The following EIF3D variants were observed in gnomAD, a reference collection of about 807,000 sequenced individuals.
EIF3D encodes the protein eukaryotic translation initiation factor 3 subunit D.
A neutral mutation model predicts 75.4 loss-of-function variants in EIF3D; 10 were observed. The observed-to-expected ratio is 0.13, with a 90% CI of 0.08 to 0.22. EIF3D has a LOEUF of 0.22. Ranked by LOEUF, EIF3D falls within the 10% of genes least tolerant of loss-of-function variation. The pLI, the probability that EIF3D is intolerant of heterozygous loss-of-function variation, is 1.00. For missense variants in EIF3D, 394 were observed against 708.0 expected (o/e 0.56, Z 5.03); for synonymous variants, 246 against 248.3 (o/e 0.99, Z 0.09).
chr22:36,514,533 G>GGAGACGGAGGAAGTCA (rs1234526710), intron 12 of EIF3D, among the ~76,000 whole-genome samples: 1 of 152,166 alleles, frequency 6.6e-6, no homozygotes, highest in Non-Finnish European at 1.5e-5. Context: ...TGTAGAGGTC[G>GGAGACGGAGGAAGTCA]GAGACGGAGG....
chr22:36,528,592 A>G, intron 1 of EIF3D, among the ~76,000 whole-genome samples: 1 of 100,386 alleles, frequency 1.0e-5, no homozygotes, highest in Admixed American at 9.3e-5. Flanking sequence ...CCATCGCTGA[A>G]CAGGGGGTGG....
chr22:36,528,342 A>G (rs1175204075), intron 1 of EIF3D, among the ~76,000 whole-genome samples: 14 of 152,150 alleles, frequency 9.2e-5, no homozygotes, highest in Non-Finnish European at 1.9e-4. Flanking sequence ...CAGAAGCTCA[A>G]GAAGGGAAGA....
At chr22:36,512,046 A>G (rs901063776) in intron 13 of EIF3D, among the ~76,000 whole-genome samples, 1 of 151,884 alleles carries the variant, frequency 6.6e-6, no homozygotes, top group African/African-American at 2.4e-5. Flanking sequence ...GCCCGCCACT[A>G]CGCCCGGCTA....
intron 14 of EIF3D, 76 bp from the exon 15 acceptor site, chr22:36,511,076 G>A: frequency 6.5e-7 from 1 of 1,537,092 alleles, no homozygotes; most frequent in South Asian, 1.2e-5. Context: ...CTGAACCTCT[G>A]CTGGACTGTG....
Position 36,510,905 on chromosome 22 carries a change from C to G in EIF3D, c.*82G>C, listed in dbSNP as rs1180215288. Reference sequence around the variant, plus strand: ...ATTTCATCTGCTAAATGTCAGAGAGCAAGTTAGACACACATTCCACTAAGC... The same window carrying G: ...ATTTCATCTGCTAAATGTCAGAGAGGAAGTTAGACACACATTCCACTAAGC... On this transcript the variant is annotated 3_prime_UTR_variant, in exon 15 of 15. Transcript: ENST00000216190. 2 of 1,462,756 alleles carry G rather than the reference C, an allele frequency of 1.4e-6. No homozygotes were observed. Among genetic ancestry groups the G allele is most frequent in the Non-Finnish European group, 1.8e-6 (2 of 1,088,438 alleles). The allele number at this position is 1,462,756 out of a possible 1,614,324, so 90.6% of individuals were successfully genotyped here.
intron 1 of EIF3D, among the ~76,000 whole-genome samples, chr22:36,527,323 C>T: frequency 6.6e-6 from 1 of 152,320 alleles, no homozygotes; most frequent in South Asian, 2.1e-4. Context: ...GAAGAAATTG[C>T]CCAAAGTTGA....
intron 4 of EIF3D, 82 bp from the exon 5 acceptor site, chr22:36,524,062 G>T: frequency 7.3e-7 from 1 of 1,365,626 alleles, no homozygotes; most frequent in Non-Finnish European, 1.0e-6. Context: ...GGTCTTTGGA[G>T]TAAATTTAGG....
In EIF3D at chr22:36,529,132, T is replaced by A. The variant is rs1161104508; in HGVS notation, c.-67A>T. ...CAGATGGTGCGTGCCGGGGACCGCGTTAGCAGCAGCACTCTTGAGAAACCA... is the reference window on the plus strand; with the variant it reads ...CAGATGGTGCGTGCCGGGGACCGCGATAGCAGCAGCACTCTTGAGAAACCA... On this transcript the variant is annotated 5_prime_UTR_variant, in exon 1 of 15. Transcript: ENST00000216190. 7.6e-6 allele frequency: 3 copies of A among 395,710 alleles called. No homozygotes were observed. The highest frequency in any genetic ancestry group is 1.3e-5 in the Non-Finnish European group (3 of 224,622). The allele number at this position is 395,710 out of a possible 1,614,324, so 24.5% of individuals were successfully genotyped here.
chr22:36,516,179 G>A (rs539975358), intron 12 of EIF3D: 2 of 265,486 alleles, frequency 7.5e-6, no homozygotes, highest in South Asian at 2.0e-4. Context: ...GTCAACAGGA[G>A]GCCACAATGG....
chr22:36,523,108 A>G, intron 6 of EIF3D, 101 bp downstream of exon 6: 1 of 987,266 alleles, frequency 1.0e-6, no homozygotes, highest in Non-Finnish European at 1.6e-6. Flanking sequence ...AAACCACTAA[A>G]TTGTACGGTA....
chr22:36,522,226 T>C (rs1444429126), intron 6 of EIF3D, among the ~76,000 whole-genome samples: 2 of 152,014 alleles, frequency 1.3e-5, no homozygotes, highest in Non-Finnish European at 1.5e-5. Context: ...TGGTGGTGCA[T>C]GCCTATAGTC....
Position 36,512,508 on chromosome 22 carries a change from C to T in EIF3D, c.1301G>A (p.Arg434Gln), listed in dbSNP as rs762976929. 39 of 1,614,100 alleles carry T rather than the reference C, an allele frequency of 2.4e-5. No individual in the cohort carries two copies. The highest frequency in any genetic ancestry group is 3.0e-5 in the Non-Finnish European group (35 of 1,180,046). Residue 434 changes from arginine (R) to glutamine (Q), a missense_variant, in exon 13 of 15, where the codon CGG (arginine) becomes CAG (glutamine). Arg to Gln is a conservative substitution (Grantham distance 43). Transcript: ENST00000216190. ...AGCCAGCAAAGCACAGCAGGTCCAC[C>T]GGGCCAACTTGTAGCTGTTGTTCTT... ...ELKNNSYKLA[R>Q]WTCCALLAGS...
chr22:36,516,722 G>T lies in EIF3D; in HGVS notation c.1059C>A (p.Ile353=), dbSNP rs183188813. ...FVEDDMDKNE[I]ASVAYRYRRW... is the part of the protein sequence containing the mutation. ...TGACCTACCGGTACGCAACAGAGGC[G>T]ATTTCATTCTTATCCATGTCGTCCT... The change falls in exon 11 of 15, where the codon ATC becomes ATA. Residue 353 remains isoleucine, a synonymous_variant. Coordinates refer to ENST00000216190, the MANE Select transcript of EIF3D (RefSeq NM_003753.4). 8.1e-6 allele frequency: 13 copies of T among 1,614,206 alleles called. No individual in the cohort carries two copies. In the East Asian group the frequency reaches 2.9e-4, roughly 36 times the overall value.
At chr22:36,522,976 A>T in intron 6 of EIF3D, 1 of 435,178 alleles carries the variant, frequency 2.3e-6, no homozygotes, top group African/African-American at 2.0e-5. Context: ...ACTCTCAGGT[A>T]TTCTGTTCTA....
chr22:36,511,238 G>A, intron 14 of EIF3D: 1 of 805,014 alleles, frequency 1.2e-6, no homozygotes, highest in Non-Finnish European at 1.9e-6. Context: ...TAGACCACCG[G>A]CTTCAATCTG....
At chr22:36,521,773 G>GGAAA (rs1934517655) in intron 6 of EIF3D, among the ~76,000 whole-genome samples, 1 of 88,742 alleles carries the variant, frequency 1.1e-5, no homozygotes, top group African/African-American at 3.8e-5. Flanking sequence ...CAAAACATAT[G>GGAAA]AAAAAAAAAA....
chr22:36,511,802 A>G lies in EIF3D; in HGVS notation c.1350-16T>C. The G allele has an allele frequency of 6.2e-7, 1 of 1,609,044 alleles. No homozygotes were observed. Among genetic ancestry groups the G allele is most frequent in the Non-Finnish European group, 8.5e-7 (1 of 1,176,612 alleles). ...AGACACATAACTAACAGGGGAAGGG[A>G]TATCAGTGGTCAGAGCAGGGCAGCA... On this transcript the variant is annotated splice_polypyrimidine_tract_variant and intron_variant, in intron 13 of 14. Coordinates refer to ENST00000216190, the MANE Select transcript of EIF3D (RefSeq NM_003753.4).
chr22:36,520,145 T>C (rs1934489586), intron 7 of EIF3D, among the ~76,000 whole-genome samples: 1 of 150,862 alleles, frequency 6.6e-6, no homozygotes, highest in Admixed American at 6.6e-5. Context: ...ACTTCTGCTT[T>C]TCCCCTTGGT....
In EIF3D at chr22:36,511,256, C is replaced by T. The variant is rs1161559804; in HGVS notation, c.1633+247G>A. On this transcript the variant is annotated intron_variant, in intron 14 of 14. Coordinates refer to ENST00000216190, the MANE Select transcript of EIF3D (RefSeq NM_003753.4). ...ACCACCGGCTTCAATCTGGGACTTC[C>T]CTCATCTTCCTCTACCTCTGCCACA... 4.8e-6 allele frequency: 4 copies of T among 833,826 alleles called. No individual in the cohort carries two copies. In the African/African-American group the frequency reaches 5.2e-5, roughly 11 times the overall value. The allele number at this position is 833,826 out of a possible 1,614,324, so 51.7% of individuals were successfully genotyped here.
Sources: allele counts gnomAD v4.1 joint callset (sites outside exome capture counted in the v4.1 genomes callset), GRCh38; gene constraint gnomAD v4.1.1; transcripts MANE v1.5; gene names NCBI Gene and HGNC (gene_info 2026-07-23, HGNC 2026-07-21).